Variants in ERCC1 observed in about 807,000 individuals in gnomAD.
The protein encoded by ERCC1 is ERCC excision repair 1, endonuclease non-catalytic subunit, also known as DNA excision repair protein ERCC-1.
In ERCC1, 36 loss-of-function variants were observed where a neutral mutation model predicts 37.6. The ratio of observed to expected loss-of-function variants is 0.96; its 90% CI spans 0.73 to 1.26. The LOEUF is 1.26. Ranked by LOEUF, ERCC1 falls within the 50% of genes most tolerant of loss-of-function variation. The pLI, the probability that ERCC1 is intolerant of heterozygous loss-of-function variation, is 0.00. For missense variants in ERCC1, 349 were observed against 376.5 expected, an observed-to-expected ratio of 0.93 and a Z score of 0.60; for synonymous variants, 156 against 162.1, an observed-to-expected ratio of 0.96 and a Z score of 0.28.
chr19:45,411,688 G>A (rs1024707777), intron 9 of ERCC1, among the ~76,000 whole-genome samples: 2 of 151,930 alleles, frequency 1.3e-5, no homozygotes, highest in Non-Finnish European at 1.5e-5. Context: ...CATCTACTCA[G>A]GAGGCTGAGG....
At chr19:45,421,155 C>T (rs1974392837) in intron 3 of ERCC1, 23 bp downstream of exon 3, 2 of 1,609,108 alleles carry the variant, frequency 1.2e-6, no homozygotes, top group Non-Finnish European at 1.7e-6. Flanking sequence ...CTCAAGGCCT[C>T]ACTTCTCCGT....
intron 1 of ERCC1, among the ~76,000 whole-genome samples, chr19:45,445,047 C>T (rs1467229005): frequency 6.6e-6 from 1 of 152,164 alleles, no homozygotes; most frequent in African/African-American, 2.4e-5. Context: ...AGAGGAGTTT[C>T]GCTCTGTGGC....
chr19:45,412,969 G>A (rs1191158009), intron 9 of ERCC1, among the ~76,000 whole-genome samples: 1 of 152,072 alleles, frequency 6.6e-6, no homozygotes. Context: ...CCAAACTCCT[G>A]ACCTCAGGTG....
At chr19:45,437,058 T>C (rs1303723509) in intron 1 of ERCC1, among the ~76,000 whole-genome samples, 1 of 152,140 alleles carries the variant, frequency 6.6e-6, no homozygotes, top group Admixed American at 6.6e-5. Context: ...GAGACCAGCC[T>C]GACCAACATG....
chr19:45,408,309 C>T lies in ERCC1; in HGVS notation c.*1366G>A. 6.2e-7 allele frequency: 1 copy of T among 1,611,742 alleles called. No individual in the cohort carries two copies. The highest frequency in any genetic ancestry group is 1.3e-5 in the African/African-American group (1 of 74,990). ...ACCTGTGCCTCAGCCCCCCAGGGCA[C>T]CCTAAGGATCCTTGAGGGTCCCCAG... On this transcript the variant is annotated 3_prime_UTR_variant, in exon 10 of 10. Transcript: ENST00000300853.
upstream of ERCC1, chr19:45,428,846 A>AG (rs908440991): frequency 7.3e-5 from 11 of 150,210 alleles, no homozygotes; most frequent in African/African-American, 2.7e-4. Flanking sequence ...CCGGGGACGC[A>AG]GGGGGGCCCG....
chr19:45,416,700 A>C (rs1160970988), intron 6 of ERCC1, 121 bp downstream of exon 6: 1 of 732,270 alleles, frequency 1.4e-6, no homozygotes, highest in East Asian at 2.6e-5. Flanking sequence ...GGCCAGAGAG[A>C]GGCAGTGCCT....
At chr19:45,444,987 ATCAT>A (rs1378091308) in intron 1 of ERCC1, among the ~76,000 whole-genome samples, 1 of 152,160 alleles carries the variant, frequency 6.6e-6, no homozygotes, top group African/African-American at 2.4e-5. Flanking sequence ...ATGTACACTC[ATCAT>A]TCATTCATTC....
At chr19:45,451,473 T>G (rs1967120040) in intron 1 of ERCC1, among the ~76,000 whole-genome samples, 1 of 152,132 alleles carries the variant, frequency 6.6e-6, no homozygotes, top group East Asian at 1.9e-4. Context: ...GGGGTTCTCT[T>G]GCCTGTCTTT....
chr19:45,442,937 T>C (rs1286964370), intron 1 of ERCC1, among the ~76,000 whole-genome samples: 1 of 151,944 alleles, frequency 6.6e-6, no homozygotes, highest in Non-Finnish European at 1.5e-5. Flanking sequence ...CACATCTCGG[T>C]GATAGCACAG....
chr19:45,448,792 CCCGCCCCAG>C (rs1967025594), intron 1 of ERCC1, among the ~76,000 whole-genome samples: 1 of 152,020 alleles, frequency 6.6e-6, no homozygotes, highest in Non-Finnish European at 1.5e-5. Context: ...GACCCCCCAC[CCCGCCCCAG>C]GAGAGATGTA....
intron 9 of ERCC1, chr19:45,413,400 G>A: frequency 1.6e-6 from 1 of 628,754 alleles, no homozygotes; most frequent in South Asian, 1.9e-5. Flanking sequence ...CCCAGTAGCT[G>A]AGACTACAGG....
intron 7 of ERCC1, 76 bp downstream of exon 7, chr19:45,414,785 A>G: frequency 9.7e-7 from 1 of 1,034,246 alleles, no homozygotes; most frequent in Non-Finnish European, 1.5e-6. Flanking sequence ...ACAGTGCCTT[A>G]AAATTGGAAC....
At chr19:45,445,810 T>C (rs371436304) in intron 1 of ERCC1, among the ~76,000 whole-genome samples, 91 of 152,256 alleles carry the variant, frequency 6.0e-4, no homozygotes, top group African/African-American at 2.1e-3. Flanking sequence ...GTGAAGTCTT[T>C]TACAGAGTGG....
chr19:45,416,873 C>A lies in ERCC1; in HGVS notation c.550G>T (p.Glu184Ter). 1.2e-6 allele frequency: 2 copies of A among 1,613,390 alleles called. No individual in the cohort carries two copies. Among genetic ancestry groups the A allele is most frequent in the Non-Finnish European group, 1.7e-6 (2 of 1,179,512 alleles). ...GCCAGGATACACATCTTAGCCAGCT[C>A]CTTGAGGGCCTGCTGGGGATCTTTC... Reference protein sequence around the residue: ...DVKDPQQALKELAKMCILADC... With the variant: ...DVKDPQQALK The change falls in exon 6 of 10, where the codon GAG becomes TAG. Residue 184 changes from glutamate (E) to a stop codon, truncating the protein, a stop_gained. Coordinates refer to ENST00000300853, the MANE Select transcript of ERCC1 (RefSeq NM_001983.4). LOFTEE classifies it high-confidence loss of function.
Position 45,420,794 on chromosome 19 carries a change from T to C in ERCC1, c.322-367A>G, listed in dbSNP as rs1340591980. Among the ~76,000 whole-genome samples, 1 of 152,098 alleles carries C rather than the reference T, an allele frequency of 6.6e-6. No individual in the cohort carries two copies. Among genetic ancestry groups the C allele is most frequent in the East Asian group, 1.9e-4 (1 of 5,190 alleles). On this transcript the variant is annotated intron_variant, in intron 3 of 9. Transcript: ENST00000300853. This position sits in a 1 kb window ranked among gnomAD's most constrained non-coding sequence, Gnocchi z 4.8. ...CCTGCCCTCACGCCCAGCAACTTTT[T>C]GTGTTTTTAGTAGAGATGGGGTGTC...
intron 1 of ERCC1, among the ~76,000 whole-genome samples, chr19:45,451,115 G>A (rs1448333493): frequency 6.6e-6 from 1 of 152,064 alleles, no homozygotes; most frequent in South Asian, 2.1e-4. Flanking sequence ...CCAAATTACC[G>A]GTTTCCCTTT....
At chr19:45,433,454 AG>A (rs1435505024) in intron 1 of ERCC1, among the ~76,000 whole-genome samples, 6 of 152,236 alleles carry the variant, frequency 3.9e-5, no homozygotes, top group South Asian at 2.1e-4. Context: ...TGAACCTGGG[AG>A]GTGGAGGTTG....
At chr19:45,418,142 G>A (rs1974173089) in intron 5 of ERCC1, among the ~76,000 whole-genome samples, 1 of 152,100 alleles carries the variant, frequency 6.6e-6, no homozygotes, top group Non-Finnish European at 1.5e-5. Flanking sequence ...GAGATCAGAA[G>A]TTCAAGACCA....
Sources: gnomAD v4.1 joint callset for allele counts (sites outside exome capture counted in the v4.1 genomes callset) on GRCh38, gnomAD v4.1.1 for gene constraint, Gnocchi (gnomAD v3.1) non-coding constraint, MANE v1.5 for transcripts, NCBI Gene and HGNC (gene_info 2026-07-23, HGNC 2026-07-21) for gene names.